Variants in DEFB115 observed in about 807,000 individuals in gnomAD.
DEFB115 encodes beta-defensin 115.
A neutral mutation model predicts 8.8 loss-of-function variants in DEFB115; 7 were observed. The ratio of observed to expected loss-of-function variants is 0.79; its 90% CI spans 0.45 to 1.49. The LOEUF is 1.49. DEFB115 is among the 40% of genes most tolerant of loss of function. The pLI, the probability that DEFB115 is intolerant of heterozygous loss-of-function variation, is 0.01. For missense variants in DEFB115, 143 were observed against 99.4 expected, an observed-to-expected ratio of 1.44 and a Z score of -1.86; for synonymous variants, 62 against 37.6, an observed-to-expected ratio of 1.65 and a Z score of -2.37.
In DEFB115 at chr20:31,259,562, G is replaced by T; in HGVS notation, c.197G>T (p.Cys66Phe). 3 of 1,612,878 alleles carry T rather than the reference G, an allele frequency of 1.9e-6. No individual in the cohort carries two copies. The highest frequency in any genetic ancestry group is 2.2e-5 in the East Asian group (1 of 44,842). The change falls in exon 2 of 2, where the codon TGT becomes TTT. Residue 66 changes from cysteine to phenylalanine, a missense_variant. Transcript: ENST00000400552. ...KEKCGEKHIC[C>F]VPKEKDKLSH... is the part of the protein sequence containing the mutation. Reference sequence around the variant, plus strand: ...AAATGTGGGGAAAAACATATTTGCTGTGTCCCTAAAGAAAAGGATAAACTA... The same window carrying T: ...AAATGTGGGGAAAAACATATTTGCTTTGTCCCTAAAGAAAAGGATAAACTA...
chr20:31,258,925 T>G (rs1245208024), intron 1 of DEFB115, among the ~76,000 whole-genome samples: 1 of 151,994 alleles, frequency 6.6e-6, no homozygotes, highest in African/African-American at 2.4e-5. Flanking sequence ...AAGGGCACAG[T>G]GTTAAACCCT....
At chr20:31,258,408 T>G (rs926374227) in intron 1 of DEFB115, among the ~76,000 whole-genome samples, 1 of 152,198 alleles carries the variant, frequency 6.6e-6, no homozygotes, top group Non-Finnish European at 1.5e-5. Flanking sequence ...TGTTTTCCCC[T>G]TAGGCTTCCC....
In DEFB115 at chr20:31,257,746, A is replaced by G. The variant is rs752648282; in HGVS notation, c.83A>G (p.Gln28Arg). 3.1e-6 allele frequency: 5 copies of G among 1,613,434 alleles called. No homozygotes were observed. The Admixed American group carries it at 5.0e-5, about 16-fold the overall frequency. Residue 28 changes from glutamine (Q) to arginine (R), a missense_variant, in exon 1 of 2, where the codon CAG (glutamine) becomes CGG (arginine). By Grantham distance (43) the Gln-to-Arg change is conservative. Transcript: ENST00000400552. ...LALVVLVVLA[Q>R]TAPDGWIRRC... The stretch of plus-strand genomic sequence containing the variant: ...TTAGTTGTCCTTGTGGTCCTGGCTC[A>G]GACTGCCCCAGGTAAACAGAACCAT...
chr20:31,257,750 T>A lies in DEFB115; in HGVS notation c.87T>A (p.Thr29=), dbSNP rs1266139272. The change falls in exon 1 of 2, where the codon ACT becomes ACA. Residue 29 remains threonine, a synonymous_variant. Transcript: ENST00000400552. Reference sequence around the variant, plus strand: ...TTGTCCTTGTGGTCCTGGCTCAGACTGCCCCAGGTAAACAGAACCATGGAG... The same window carrying A: ...TTGTCCTTGTGGTCCTGGCTCAGACAGCCCCAGGTAAACAGAACCATGGAG... ...ALVVLVVLAQ[T]APDGWIRRCY... 3.7e-6 allele frequency: 6 copies of A among 1,613,188 alleles called. No individual in the cohort carries two copies. Among genetic ancestry groups the A allele is most frequent in the Non-Finnish European group, 5.1e-6 (6 of 1,179,196 alleles).
rs2122377593 is a variant in DEFB115, at chr20:31,259,510, T to C, written c.145T>C (p.Cys49Arg). The change falls in exon 2 of 2, where the codon TGC (cysteine) becomes CGC (arginine). Residue 49 changes from cysteine to arginine, a missense_variant. By Grantham distance (180) the Cys-to-Arg change is radical. Transcript: ENST00000400552. Reference sequence around the variant, plus strand: ...TGGAACTGGCAGATGCAGGAAATCATGCAAAGAAATTGAGAGGAAGAAAGA... The same window carrying C: ...TGGAACTGGCAGATGCAGGAAATCACGCAAAGAAATTGAGAGGAAGAAAGA... Reference protein sequence around the residue: ...YYGTGRCRKSCKEIERKKEKC... With the variant: ...YYGTGRCRKSRKEIERKKEKC... 1 of 1,613,238 alleles carries C rather than the reference T, an allele frequency of 6.2e-7. No homozygotes were observed. The highest frequency in any genetic ancestry group is 8.5e-7 in the Non-Finnish European group (1 of 1,179,610).
At chr20:31,258,870 G>A (rs1983824743) in intron 1 of DEFB115, among the ~76,000 whole-genome samples, 1 of 152,194 alleles carries the variant, frequency 6.6e-6, no homozygotes, top group South Asian at 2.1e-4. Flanking sequence ...AGAAAACTGG[G>A]TTTGCAGTCT....
At chr20:31,257,783 A>G in intron 1 of DEFB115, 26 bp downstream of exon 1, 1 of 1,583,204 alleles carries the variant, frequency 6.3e-7, no homozygotes. Flanking sequence ...GAGAGAAGGG[A>G]AAAGGGAGTA....
Position 31,257,711 on chromosome 20 carries a change from T to C in DEFB115, c.48T>C (p.Ser16=). Residue 16 remains serine (S), a synonymous_variant, in exon 1 of 2, where the codon TCT becomes TCC. Coordinates refer to ENST00000400552, the MANE Select transcript of DEFB115 (RefSeq NM_001037730.1). ...FSPLSGDIKL[S]VLALVVLVVL... ...CCCTCTCAGGAGACATTAAACTCTC[T>C]GTCCTGGCCTTAGTTGTCCTTGTGG... 1 of 1,613,998 alleles carries C rather than the reference T, an allele frequency of 6.2e-7. No homozygotes were observed. Among genetic ancestry groups the C allele is most frequent in the East Asian group, 2.2e-5 (1 of 44,870 alleles).
At chr20:31,259,182 T>G (rs1267030781) in intron 1 of DEFB115, among the ~76,000 whole-genome samples, 1 of 152,052 alleles carries the variant, frequency 6.6e-6, no homozygotes, top group East Asian at 1.9e-4. Flanking sequence ...GCATCTAGAT[T>G]TAGAGAGGAA....
At position 31,257,888 on chromosome 20, in the gene DEFB115, A is replaced by C. The variant is rs1010244012; in HGVS notation, c.94+131A>C. 6 of 769,562 alleles carry C rather than the reference A, an allele frequency of 7.8e-6. No homozygotes were observed. The East Asian group carries it at 1.3e-4, about 17-fold the overall frequency. The allele number at this position is 769,562 out of a possible 1,614,324, so 47.7% of individuals were successfully genotyped here. A position where few individuals can be genotyped will look rare whatever the true frequency, so the allele number is the denominator to read the frequency against. ...ATGGCTGAGATCTGATGAAAGGCTTATAATGAATATGCTCCCATAAGAAGG... is the reference window on the plus strand; with the variant it reads ...ATGGCTGAGATCTGATGAAAGGCTTCTAATGAATATGCTCCCATAAGAAGG... On this transcript the variant is annotated intron_variant, in intron 1 of 1. Transcript: ENST00000400552.
At chr20:31,258,637 TG>T (rs1983818903) in intron 1 of DEFB115, among the ~76,000 whole-genome samples, 2 of 152,186 alleles carry the variant, frequency 1.3e-5, no homozygotes, top group South Asian at 4.1e-4. Context: ...GAGTTGCAGA[TG>T]CAAGAGACAT....
Position 31,259,619 on chromosome 20 carries a change from A to G in DEFB115, c.254A>G (p.Glu85Gly). 1 of 1,601,410 alleles carries G rather than the reference A, an allele frequency of 6.2e-7. No individual in the cohort carries two copies. Among genetic ancestry groups the G allele is most frequent in the Non-Finnish European group, 8.5e-7 (1 of 1,175,238 alleles). ...ATTCACGACCAAAAAGAGACAAGTG[A>G]GCTATATATCTAGTTGCGACTCCTA... ...SHIHDQKETSELYI is the reference protein window; with the variant it reads ...SHIHDQKETSGLYI The change falls in exon 2 of 2, where the codon GAG (glutamate) becomes GGG (glycine). Residue 85 changes from glutamate to glycine, a missense_variant. Transcript: ENST00000400552.
intron 1 of DEFB115, among the ~76,000 whole-genome samples, chr20:31,258,884 T>C (rs888514253): frequency 3.9e-5 from 6 of 152,124 alleles, no homozygotes; most frequent in Non-Finnish European, 7.4e-5. Context: ...GCAGTCTGCG[T>C]TGACTTAGAG....
At chr20:31,258,362 A>G (rs746425826) in intron 1 of DEFB115, among the ~76,000 whole-genome samples, 2 of 152,200 alleles carry the variant, frequency 1.3e-5, no homozygotes, top group East Asian at 1.9e-4. Flanking sequence ...ATAAACAGGC[A>G]TCATGGCCAG....
At chr20:31,258,244 G>A (rs984812548) in intron 1 of DEFB115, among the ~76,000 whole-genome samples, 2 of 152,164 alleles carry the variant, frequency 1.3e-5, no homozygotes, top group African/African-American at 4.8e-5. Flanking sequence ...GTTGTAAGTT[G>A]ATGTTTGATA....
intron 1 of DEFB115, 88 bp downstream of exon 1, chr20:31,257,845 C>A: frequency 4.3e-6 from 5 of 1,170,592 alleles, no homozygotes; most frequent in South Asian, 1.3e-5. Flanking sequence ...TGTGTAGAAG[C>A]AAGGAGAGCC....
rs1422156310 is a variant in DEFB115, at chr20:31,259,595, T to A, written c.230T>A (p.Ile77Asn). 6.2e-7 allele frequency: 1 copy of A among 1,608,570 alleles called. No individual in the cohort carries two copies. The highest frequency in any genetic ancestry group is 8.5e-7 in the Non-Finnish European group (1 of 1,178,246). Reference sequence around the variant, plus strand: ...AAAGAAAAGGATAAACTATCACACATTCACGACCAAAAAGAGACAAGTGAG... The same window carrying A: ...AAAGAAAAGGATAAACTATCACACAATCACGACCAAAAAGAGACAAGTGAG... ...VPKEKDKLSH[I>N]HDQKETSELY... is the part of the protein sequence containing the mutation. The change falls in exon 2 of 2, where the codon ATT becomes AAT. Residue 77 changes from isoleucine (I) to asparagine (N), a missense_variant. By Grantham distance (149) the Ile-to-Asn change is moderately radical (BLOSUM62 -3). Transcript: ENST00000400552.
rs1983832622 is a variant in DEFB115 at position 31,259,086 on chromosome 20, G to T, written c.95-374G>T. Among the ~76,000 whole-genome samples the T allele has an allele frequency of 2.6e-5, 4 of 152,212 alleles. 1 individual carries two copies. The South Asian group carries it at 8.3e-4, about 32-fold the overall frequency. On this transcript the variant is annotated intron_variant, in intron 1 of 1. Transcript: ENST00000400552. ...AACAAACAATGCCTGGCACATAGTA[G>T]ATGCTCAACAAATTGTGGTTAGATG...
Position 31,257,684 on chromosome 20 carries a change from A to C in DEFB115, c.21A>C (p.Ser7=). 1 of 1,613,400 alleles carries C rather than the reference A, an allele frequency of 6.2e-7. No individual in the cohort carries two copies. The highest frequency in any genetic ancestry group is 2.2e-5 in the East Asian group (1 of 44,858). Residue 7 remains serine, a synonymous_variant, in exon 1 of 2, where the codon TCA becomes TCC. Coordinates refer to ENST00000400552, the MANE Select transcript of DEFB115 (RefSeq NM_001037730.1). MLPDHF[S]PLSGDIKLSV... is the part of the protein sequence containing the mutation. The stretch of plus-strand genomic sequence containing the variant: ...TCAGAATGCTGCCAGATCATTTCTC[A>C]CCCCTCTCAGGAGACATTAAACTCT...
Sources: gnomAD v4.1 joint callset for allele counts (sites outside exome capture counted in the v4.1 genomes callset) on GRCh38, gnomAD v4.1.1 for gene constraint, MANE v1.5 for transcripts, NCBI Gene and HGNC (gene_info 2026-07-23, HGNC 2026-07-21) for gene names.